Variants in MSR1 observed in about 807,000 individuals in gnomAD.
MSR1 encodes macrophage scavenger receptor types I and II.
A neutral mutation model predicts 47.2 loss-of-function variants in MSR1; 53 were observed. The ratio of observed to expected loss-of-function variants is 1.12; its 90% CI spans 0.90 to 1.41. The LOEUF (loss-of-function observed/expected upper bound fraction) is 1.41. Among genes scored for constraint, MSR1 ranks in the 40% most tolerant of loss-of-function variants. MSR1 has a pLI of 0.00. For missense variants in MSR1, 786 were observed against 546.9 expected, an observed-to-expected ratio of 1.44 and a Z score of -4.36; for synonymous variants, 239 against 185.6, an observed-to-expected ratio of 1.29 and a Z score of -2.34.
intron 8 of MSR1, among the ~76,000 whole-genome samples, chr8:16,137,429 C>G (rs1242482230): frequency 2.0e-5 from 3 of 150,898 alleles, no homozygotes; most frequent in Non-Finnish European, 4.4e-5. Flanking sequence ...TCCTTTTCTG[C>G]CTTTCTCTCT....
chr8:16,153,052 T>C (rs1437295473), intron 6 of MSR1, among the ~76,000 whole-genome samples: 1 of 152,050 alleles, frequency 6.6e-6, no homozygotes, highest in Admixed American at 6.6e-5. Context: ...TCTACTATAT[T>C]TAATGTATTA....
intron 8 of MSR1, among the ~76,000 whole-genome samples, chr8:16,128,166 A>G (rs1027538079): frequency 6.6e-6 from 1 of 152,170 alleles, no homozygotes; most frequent in Non-Finnish European, 1.5e-5. Flanking sequence ...AACTGAATTC[A>G]TCCTGAAACA....
At position 16,120,443 on chromosome 8, in the gene MSR1, C is replaced by A. The variant is rs1799973265; in HGVS notation, c.1197G>T (p.Val399=). ...RSLGYPGVQA[V]HKAAHFGQGT... is the part of the protein sequence containing the mutation. The stretch of plus-strand genomic sequence containing the variant: ...CTTGTCCAAAGTGAGCTGCCTTGTG[C>A]ACGGCTTGAACACCTGGGTATCCCA... Residue 399 remains valine (V), a synonymous_variant, in exon 9 of 10, where the codon GTG becomes GTT. Transcript: ENST00000262101. 1.2e-6 allele frequency: 2 copies of A among 1,613,798 alleles called. No individual in the cohort carries two copies. Among genetic ancestry groups the A allele is most frequent in the Non-Finnish European group, 1.7e-6 (2 of 1,179,880 alleles).
intron 5 of MSR1, among the ~76,000 whole-genome samples, chr8:16,161,140 T>A (rs889154226): frequency 6.6e-6 from 1 of 151,138 alleles, no homozygotes; most frequent in African/African-American, 2.4e-5. Flanking sequence ...TTGCTTGAAT[T>A]AGAGTAGTAG....
chr8:16,168,902 G>A (rs755816041), intron 3 of MSR1, 32 bp from the exon 4 acceptor site: 1 of 1,601,746 alleles, frequency 6.2e-7, no homozygotes, highest in Non-Finnish European at 8.5e-7. Context: ...AACCAGTCAT[G>A]GCCTGATCCT....
intron 1 of MSR1, among the ~76,000 whole-genome samples, chr8:16,189,394 TTATATATATTTTA>T (rs1802106438): frequency 1.0e-5 from 1 of 100,174 alleles, no homozygotes; most frequent in East Asian, 3.7e-4. Context: ...AAATCTTATT[TTATATATATTTTA>T]TATATATTTT....
intron 1 of MSR1, among the ~76,000 whole-genome samples, chr8:16,183,322 A>G (rs974036711): frequency 6.6e-6 from 1 of 151,970 alleles, no homozygotes; most frequent in African/African-American, 2.4e-5. Flanking sequence ...TCTGATAAAC[A>G]TCTTTACACT....
In MSR1 at chr8:16,115,734, T is replaced by G. The variant is rs190966801; in HGVS notation, c.1222+4684A>C. ...GGTTCACACTTGTCATTCCAGTACTTTGGGAGGCTGAGGCAGGAGGATTGC... is the reference window on the plus strand; with the variant it reads ...GGTTCACACTTGTCATTCCAGTACTGTGGGAGGCTGAGGCAGGAGGATTGC... On this transcript the variant is annotated intron_variant, in intron 9 of 9. Coordinates refer to ENST00000262101, the MANE Select transcript of MSR1 (RefSeq NM_138715.3). 1.1e-4 allele frequency among the ~76,000 whole-genome samples: 17 copies of G among 152,208 alleles called. No homozygotes were observed. The East Asian group carries it at 3.3e-3, about 29-fold the overall frequency.
intron 3 of MSR1, among the ~76,000 whole-genome samples, chr8:16,173,865 G>A (rs1434020746): frequency 3.3e-5 from 5 of 152,098 alleles, no homozygotes; most frequent in South Asian, 2.1e-4. Context: ...TAGCCAGGAT[G>A]GTCTCGATCT....
intron 8 of MSR1, among the ~76,000 whole-genome samples, chr8:16,134,188 G>A (rs1800330739): frequency 1.3e-5 from 2 of 152,076 alleles, no homozygotes; most frequent in African/African-American, 4.8e-5. Flanking sequence ...TTTCATGTGT[G>A]TTCTTGGTTC....
At chr8:16,137,487 C>T (rs979474097) in intron 8 of MSR1, among the ~76,000 whole-genome samples, 1 of 152,070 alleles carries the variant, frequency 6.6e-6, no homozygotes, top group South Asian at 2.1e-4. Flanking sequence ...TTTGCATACC[C>T]TCCACATGAC....
At chr8:16,145,970 A>T (rs1187648270) in intron 7 of MSR1, among the ~76,000 whole-genome samples, 1 of 152,154 alleles carries the variant, frequency 6.6e-6, no homozygotes, top group African/African-American at 2.4e-5. Context: ...AGCCATTCAA[A>T]AGTAAGAACC....
chr8:16,143,505 C>T (rs894899649), intron 8 of MSR1, 53 bp downstream of exon 8: 25 of 1,516,874 alleles, frequency 1.6e-5, no homozygotes, highest in Non-Finnish European at 2.3e-5. Flanking sequence ...TCTAGTATCA[C>T]AGACTTACTT....
intron 8 of MSR1, among the ~76,000 whole-genome samples, chr8:16,128,133 G>C (rs1353400336): frequency 6.6e-6 from 1 of 152,092 alleles, no homozygotes; most frequent in East Asian, 1.9e-4. Context: ...TAAGAACAAA[G>C]TTACAGAAAC....
In MSR1 at chr8:16,181,161, T is replaced by C. The variant is rs17620982; in HGVS notation, c.-4-3169A>G. Among the ~76,000 whole-genome samples, 222 of 152,146 alleles carry C rather than the reference T, an allele frequency of 1.5e-3. 4 individuals are homozygous for C. In the East Asian group the frequency reaches 0.04, roughly 27 times the overall value. ...GACATGACAATAAAACTTAGCAAAA[T>C]TCACTTTAAAATATAGTTGAATAAT... On this transcript the variant is annotated intron_variant, in intron 1 of 9. Coordinates refer to ENST00000262101, the MANE Select transcript of MSR1 (RefSeq NM_138715.3).
chr8:16,192,438 T>C (rs1051851225), intron 1 of MSR1, among the ~76,000 whole-genome samples, 160 bp downstream of exon 1: 2 of 151,990 alleles, frequency 1.3e-5, no homozygotes, highest in African/African-American at 4.8e-5. Context: ...CCAAACCAAA[T>C]TATTGCTGAT....
chr8:16,128,153 G>A (rs1800172218), intron 8 of MSR1, among the ~76,000 whole-genome samples: 1 of 152,036 alleles, frequency 6.6e-6, no homozygotes, highest in African/African-American at 2.4e-5. Flanking sequence ...CATAGACAAA[G>A]AAAACTGAAT....
In MSR1 at chr8:16,110,360, G is replaced by A. The variant is rs890610232; in HGVS notation, c.1223-142C>T. ...TATGCAAGTTCTGTGCTCTCTAGTA[G>A]GAATCAAAAATTAATCTCCTGCTTC... On this transcript the variant is annotated intron_variant, in intron 9 of 9. Coordinates refer to ENST00000262101, the MANE Select transcript of MSR1 (RefSeq NM_138715.3). The A allele has an allele frequency of 5.5e-6, 5 of 911,504 alleles. No homozygotes were observed. The South Asian group carries it at 7.1e-5, about 13-fold the overall frequency. 56.5% of individuals were successfully genotyped at this position (911,504 alleles called of 1,614,324 possible).
chr8:16,172,779 G>C (rs904806729), intron 3 of MSR1, among the ~76,000 whole-genome samples: 18 of 151,972 alleles, frequency 1.2e-4, no homozygotes, highest in Non-Finnish European at 1.8e-4. Context: ...AGAAAAGATT[G>C]TAAATGGAAT....
Sources: gnomAD v4.1 joint callset for allele counts (sites outside exome capture counted in the v4.1 genomes callset) on GRCh38, gnomAD v4.1.1 for gene constraint, MANE v1.5 for transcripts, NCBI Gene and HGNC (gene_info 2026-07-23, HGNC 2026-07-21) for gene names.